The following CLOCK variants were observed in gnomAD, a reference collection of about 807,000 sequenced individuals.
CLOCK encodes the protein clock circadian regulator.
Under a neutral mutation model 118.4 loss-of-function variants are expected in CLOCK, and 43 were observed. The observed-to-expected ratio is 0.36, with a 90% CI of 0.28 to 0.47. CLOCK has a LOEUF of 0.47. CLOCK is among the 20% of genes least tolerant of loss of function. CLOCK has a pLI of 1.00. For synonymous variants in CLOCK, 326 were observed against 339.2 expected, an observed-to-expected ratio of 0.96 and a Z score of 0.43; for missense variants, 846 against 999.9, an observed-to-expected ratio of 0.85 and a Z score of 2.08.
chr4:55,435,401 A>G lies in CLOCK; in HGVS notation c.*14T>C, dbSNP rs903173888. The G allele has an allele frequency of 6.2e-7, 1 of 1,613,804 alleles. No individual in the cohort carries two copies. Among genetic ancestry groups the G allele is most frequent in the Admixed American group, 1.7e-5 (1 of 59,994 alleles). ...CCCCTTCCTCCCTTGATGTCAAGAG[A>G]GGAAGCACGTGTGCTACTGTGGTTG... On this transcript the variant is annotated 3_prime_UTR_variant, in exon 23 of 23. Coordinates refer to ENST00000513440, the MANE Select transcript of CLOCK (RefSeq NM_004898.4).
chr4:55,460,951 T>G (rs184187719), intron 9 of CLOCK, among the ~76,000 whole-genome samples: 1 of 147,666 alleles, frequency 6.8e-6, no homozygotes, highest in Non-Finnish European at 1.5e-5. Context: ...TGAGACAAAG[T>G]CTCATTCTGT....
In CLOCK at chr4:55,431,464, G is replaced by A. The variant is rs1722495972; in HGVS notation, c.*3951C>T. 1 of 152,168 alleles carries A rather than the reference G, an allele frequency of 6.6e-6. No homozygotes were observed. Among genetic ancestry groups the A allele is most frequent in the Non-Finnish European group, 1.5e-5 (1 of 68,028 alleles). The allele number at this position is 152,168 out of a possible 1,614,324, so 9.4% of individuals were successfully genotyped here. ...AAGCTCACCCAATCCAAACTTAAAA[G>A]GTTCTCTTTCTCCAAACACTTAAAA... On this transcript the variant is annotated 3_prime_UTR_variant, in exon 23 of 23. Coordinates refer to ENST00000513440, the MANE Select transcript of CLOCK (RefSeq NM_004898.4).
At chr4:55,487,124 G>A (rs546772756) in intron 3 of CLOCK, among the ~76,000 whole-genome samples, 4 of 151,548 alleles carry the variant, frequency 2.6e-5, no homozygotes, top group East Asian at 1.9e-4. Flanking sequence ...ACTGTTTCTC[G>A]TTCATACTTC....
chr4:55,511,580 A>C (rs1002316312), intron 1 of CLOCK, among the ~76,000 whole-genome samples: 2 of 152,198 alleles, frequency 1.3e-5, no homozygotes, highest in African/African-American at 4.8e-5. Context: ...ATTCCCCACC[A>C]GAGTGGTACA....
Position 55,448,670 on chromosome 4 carries a change from T to C in CLOCK, c.1539+109A>G, listed in dbSNP as rs76759009. 8.2e-3 allele frequency: 5,980 copies of C among 730,512 alleles called. 265 individuals carry two copies. The African/African-American group carries it at 0.093, about 11-fold the overall frequency. The allele number at this position is 730,512 out of a possible 1,614,324, so 45.3% of individuals were successfully genotyped here. A position where few individuals can be genotyped will look rare whatever the true frequency, so the allele number is the denominator to read the frequency against. ...CTCCTACCTCAGCCTCCCAAGTAGC[T>C]GTGGCTACAGGTGCTTGCCAGCAAG... On this transcript the variant is annotated intron_variant, in intron 18 of 22. Transcript: ENST00000513440.
intron 2 of CLOCK, among the ~76,000 whole-genome samples, chr4:55,491,348 T>A: frequency 7.3e-6 from 1 of 136,100 alleles, no homozygotes; most frequent in African/African-American, 2.7e-5. Context: ...GGAAATATGA[T>A]TAGAGTAGAA....
Position 55,505,429 on chromosome 4 carries a change from G to T in CLOCK, c.-136+4483C>A, listed in dbSNP as rs146646692. Among the ~76,000 whole-genome samples the T allele has an allele frequency of 4.9e-3, 749 of 151,978 alleles. 4 individuals are homozygous for T. Among genetic ancestry groups the T allele is most frequent in the African/African-American group, 0.017 (712 of 41,478 alleles). ...CTGTAATCCCAGCGCTTTGGGAGGCGGAGGCAGGCAGATCGTTAGAGCTCA... is the reference window on the plus strand; with the variant it reads ...CTGTAATCCCAGCGCTTTGGGAGGCTGAGGCAGGCAGATCGTTAGAGCTCA... On this transcript the variant is annotated intron_variant, in intron 2 of 22. Transcript: ENST00000513440.
At chr4:55,513,128 C>T (rs73153673) in intron 1 of CLOCK, among the ~76,000 whole-genome samples, 2,506 of 152,254 alleles carry the variant, frequency 0.016, 64 homozygotes, top group African/African-American at 0.058. Context: ...ACTCACCCTA[C>T]GCAACTTCCA....
rs144092443 is a variant in CLOCK at position 55,434,546 on chromosome 4, T to C, written c.*869A>G. The C allele has an allele frequency of 0.016, 2,390 of 152,426 alleles. 45 individuals are homozygous for C. The highest frequency in any genetic ancestry group is 0.025 in the South Asian group (119 of 4,826). 9.4% of individuals were successfully genotyped at this position (152,426 alleles called of 1,614,324 possible). ...AATTGAAAAATAATGAAATGAGGGA[T>C]ATTTCTGAATAACTTGAAAATCCTG... On this transcript the variant is annotated 3_prime_UTR_variant, in exon 23 of 23. Transcript: ENST00000513440.
chr4:55,488,183 C>A (rs1394170613), intron 3 of CLOCK, among the ~76,000 whole-genome samples: 4 of 152,168 alleles, frequency 2.6e-5, no homozygotes, highest in Non-Finnish European at 5.9e-5. Flanking sequence ...TAAATACCTT[C>A]TTTTCTTGAT....
intron 2 of CLOCK, among the ~76,000 whole-genome samples, chr4:55,490,075 T>C (rs187165279): frequency 2.9e-4 from 43 of 148,072 alleles, no homozygotes; most frequent in Non-Finnish European, 1.3e-4. Flanking sequence ...TCAAAATACA[T>C]GGAGTGGCTG....
At chr4:55,438,198 A>T (rs1723044009) in intron 22 of CLOCK, 84 bp downstream of exon 22, 12 of 1,484,180 alleles carry the variant, frequency 8.1e-6, no homozygotes, top group East Asian at 6.8e-5. Context: ...TTTTCACATC[A>T]CTCACAAATC....
At position 55,429,676 on chromosome 4, in the gene CLOCK, C is replaced by T. The variant is rs566374054; in HGVS notation, c.*5739G>A. 3 of 152,182 alleles carry T rather than the reference C, an allele frequency of 2.0e-5. No individual in the cohort carries two copies. Among genetic ancestry groups the T allele is most frequent in the Admixed American group, 6.5e-5 (1 of 15,274 alleles). The allele number at this position is 152,182 out of a possible 1,614,324, so 9.4% of individuals were successfully genotyped here. On this transcript the variant is annotated 3_prime_UTR_variant, in exon 23 of 23. Coordinates refer to ENST00000513440, the MANE Select transcript of CLOCK (RefSeq NM_004898.4). ...TTTCCCCAAATGGGCAAAATAGAGG[C>T]ATCATGTGCCATTGGTTCTGTCATA...
At chr4:55,476,125 TTG>T (rs1726495436) in intron 6 of CLOCK, 71 bp from the exon 7 acceptor site, 3 of 958,856 alleles carry the variant, frequency 3.1e-6, no homozygotes, top group Non-Finnish European at 5.1e-6. Context: ...ACAAGTTATC[TTG>T]TCTCTTCCCA....
At chr4:55,439,571 A>G (rs1233688395) in intron 21 of CLOCK, among the ~76,000 whole-genome samples, 1 of 152,180 alleles carries the variant, frequency 6.6e-6, no homozygotes, top group African/African-American at 2.4e-5. Context: ...CCATAATCAT[A>G]AGCAGCATTA....
At chr4:55,510,629 TAAAAA>T (rs3842583) in intron 1 of CLOCK, among the ~76,000 whole-genome samples, 13 of 104,296 alleles carry the variant, frequency 1.2e-4, no homozygotes, top group Admixed American at 3.2e-4. Context: ...TCTGTCTTTT[TAAAAA>T]AAAAAAAAAA....
intron 6 of CLOCK, among the ~76,000 whole-genome samples, chr4:55,478,610 C>G (rs542772393): frequency 1.9e-4 from 29 of 152,134 alleles, no homozygotes; most frequent in Non-Finnish European, 3.4e-4. Context: ...AGGACTGTTA[C>G]CCTGCATCAT....
At chr4:55,517,837 G>A (rs900659733) in intron 1 of CLOCK, among the ~76,000 whole-genome samples, 6 of 152,090 alleles carry the variant, frequency 3.9e-5, no homozygotes, top group African/African-American at 1.2e-4. Flanking sequence ...TACATTGCTG[G>A]TGGGAGTATA....
chr4:55,479,616 A>G (rs1250673156), intron 5 of CLOCK, 24 bp downstream of exon 5: 2 of 1,562,036 alleles, frequency 1.3e-6, no homozygotes, highest in South Asian at 1.1e-5. Context: ...TTCATTTACT[A>G]TTTTATATCT....
Sources: allele counts gnomAD v4.1 joint callset (sites outside exome capture counted in the v4.1 genomes callset), GRCh38; gene constraint gnomAD v4.1.1; transcripts MANE v1.5; gene names NCBI Gene and HGNC (gene_info 2026-07-23, HGNC 2026-07-21).